Variants in TMEM74 observed in about 807,000 individuals in gnomAD.
TMEM74 encodes the protein transmembrane protein 74.
TMEM74 carries 13 observed loss-of-function variants against 18.1 expected under a neutral mutation model. The observed-to-expected ratio is 0.72, with a 90% CI of 0.47 to 1.14. The LOEUF is 1.14. Ranked by LOEUF, TMEM74 falls within the 50% of genes most tolerant of loss-of-function variation. The pLI, the probability that TMEM74 is intolerant of heterozygous loss-of-function variation, is 0.00. For missense variants in TMEM74, 372 were observed against 375.9 expected, an observed-to-expected ratio of 0.99 and a Z score of 0.09; for synonymous variants, 159 against 146.6, an observed-to-expected ratio of 1.08 and a Z score of -0.61.
rs191988182 is a variant in TMEM74 at position 108,658,416 on chromosome 8, G to A, written n.120-2979C>T. ...CTAGATCTGGGAGTGACTGAGACCA[G>A]CCCTAATGTGCTGAGATAGACACAT... On this transcript the variant is annotated intron_variant and non_coding_transcript_variant, in intron 1 of 3. Transcript: ENST00000518838. Among the ~76,000 whole-genome samples, 57 of 152,170 alleles carry A rather than the reference G, an allele frequency of 3.7e-4. 1 individual carries two copies. Among genetic ancestry groups the A allele is most frequent in the Admixed American group, 3.3e-3 (51 of 15,268 alleles).
At chr8:108,732,755 A>G (rs1813708523) in intron 1 of TMEM74, among the ~76,000 whole-genome samples, 1 of 143,452 alleles carries the variant, frequency 7.0e-6, no homozygotes. Flanking sequence ...AGGAAAAGCT[A>G]CAATTATACA....
chr8:108,669,411 G>A (rs1348436674), intron 1 of TMEM74, among the ~76,000 whole-genome samples: 1 of 152,060 alleles, frequency 6.6e-6, no homozygotes, highest in African/African-American at 2.4e-5. Flanking sequence ...AACATTTACT[G>A]AGCCCAAAGC....
At chr8:108,696,118 G>C (rs1037833682) in intron 1 of TMEM74, among the ~76,000 whole-genome samples, 1 of 152,148 alleles carries the variant, frequency 6.6e-6, no homozygotes, top group Admixed American at 6.5e-5. Context: ...ATCACAAAAA[G>C]TCTTCATATG....
intron 2 of TMEM74, among the ~76,000 whole-genome samples, chr8:108,647,582 AC>A (rs1270240079): frequency 6.6e-6 from 1 of 152,172 alleles, no homozygotes; most frequent in African/African-American, 2.4e-5. Context: ...TTTTAAAAAA[AC>A]ATTAGTAGCA....
intron 1 of TMEM74, among the ~76,000 whole-genome samples, chr8:108,677,162 TAC>T (rs1223018739): frequency 6.6e-6 from 1 of 152,198 alleles, no homozygotes; most frequent in Admixed American, 6.6e-5. Flanking sequence ...GTGACGTGAA[TAC>T]AGTTTCTGGG....
intron 1 of TMEM74, among the ~76,000 whole-genome samples, chr8:108,689,551 T>C (rs10093487): frequency 0.18 from 27,107 of 152,152 alleles, 2,930 homozygotes; most frequent in East Asian, 0.42. Flanking sequence ...TGATGTTTTC[T>C]ACTCTGCTTC....
chr8:108,786,465 C>T (rs1028661924), intron 1 of TMEM74, among the ~76,000 whole-genome samples: 2 of 152,166 alleles, frequency 1.3e-5, no homozygotes, highest in Non-Finnish European at 2.9e-5. Context: ...GAAACACAGG[C>T]AAGGGTCACC....
intron 1 of TMEM74, among the ~76,000 whole-genome samples, chr8:108,752,199 T>A (rs1336712291): frequency 6.6e-6 from 1 of 152,114 alleles, no homozygotes; most frequent in Non-Finnish European, 1.5e-5. Context: ...TGGGTTTGAA[T>A]CCTGGTTCCA....
chr8:108,649,097 G>A lies in TMEM74; in HGVS notation n.264+6196C>T, dbSNP rs768829482. On this transcript the variant is annotated intron_variant and non_coding_transcript_variant, in intron 2 of 3. Coordinates refer to the TMEM74 transcript ENST00000518838. ...TTCATCCAGTACAACCTGGTTGTCT[G>A]TTGTCTGAATAGTAATGAACTAGAC... Among the ~76,000 whole-genome samples, 8 of 152,236 alleles carry A rather than the reference G, an allele frequency of 5.3e-5. No homozygotes were observed. In the East Asian group the frequency reaches 9.7e-4, roughly 18 times the overall value.
At chr8:108,709,358 G>T (rs186440810) in intron 1 of TMEM74, among the ~76,000 whole-genome samples, 62 of 152,136 alleles carry the variant, frequency 4.1e-4, no homozygotes, top group Admixed American at 2.5e-3. Flanking sequence ...AAAAAGAAGG[G>T]TATCCTGCTG....
At chr8:108,757,712 T>C (rs1393191168) in intron 1 of TMEM74, among the ~76,000 whole-genome samples, 1 of 152,044 alleles carries the variant, frequency 6.6e-6, no homozygotes, top group African/African-American at 2.4e-5. Context: ...ATGAGCTTAA[T>C]GACACCATAA....
intron 2 of TMEM74, among the ~76,000 whole-genome samples, chr8:108,620,708 C>T (rs757480749): frequency 1.8e-4 from 28 of 152,098 alleles, no homozygotes; most frequent in Non-Finnish European, 4.1e-4. Context: ...CTAATGACAG[C>T]ACATTCATGA....
At chr8:108,763,237 A>T (rs937055866) in intron 1 of TMEM74, among the ~76,000 whole-genome samples, 1 of 151,926 alleles carries the variant, frequency 6.6e-6, no homozygotes, top group Non-Finnish European at 1.5e-5. Flanking sequence ...GCCTTAGACC[A>T]TCCCACATAA....
intron 1 of TMEM74, among the ~76,000 whole-genome samples, chr8:108,673,045 G>T (rs570997195): frequency 9.5e-4 from 145 of 152,270 alleles, no homozygotes; most frequent in Non-Finnish European, 1.7e-3. Context: ...TAGCAGAGAC[G>T]TAAATAGAGC....
At chr8:108,638,581 G>A (rs923271806) in intron 2 of TMEM74, among the ~76,000 whole-genome samples, 4 of 139,042 alleles carry the variant, frequency 2.9e-5, no homozygotes, top group African/African-American at 1.1e-4. Flanking sequence ...AAAAAAAAAA[G>A]TTTATCGGGA....
intron 2 of TMEM74, among the ~76,000 whole-genome samples, chr8:108,624,515 G>C (rs948740415): frequency 1.3e-5 from 2 of 152,078 alleles, no homozygotes; most frequent in Middle Eastern, 3.2e-3. Flanking sequence ...GTGGATTCCA[G>C]AATGCTGTCC....
chr8:108,675,778 T>TA (rs1271553166), intron 1 of TMEM74, among the ~76,000 whole-genome samples: 5 of 152,234 alleles, frequency 3.3e-5, no homozygotes, highest in African/African-American at 1.2e-4. Context: ...TGCTTACACT[T>TA]AGACAAACAG....
chr8:108,693,174 A>G (rs78743800), intron 1 of TMEM74, among the ~76,000 whole-genome samples: 4,471 of 152,292 alleles, frequency 0.029, 123 homozygotes, highest in African/African-American at 0.066. Context: ...ATAAGCCGGT[A>G]TGGCTGGAGT....
At chr8:108,690,722 T>C (rs1316167130) in intron 1 of TMEM74, among the ~76,000 whole-genome samples, 1 of 152,060 alleles carries the variant, frequency 6.6e-6, no homozygotes, top group African/African-American at 2.4e-5. Flanking sequence ...CTCAGGAGGC[T>C]GAGGCAGGAG....
Sources: gnomAD v4.1 joint callset for allele counts (sites outside exome capture counted in the v4.1 genomes callset) on GRCh38, gnomAD v4.1.1 for gene constraint, MANE v1.5 for transcripts, NCBI Gene and HGNC (gene_info 2026-07-23, HGNC 2026-07-21) for gene names.